The following SLC5A11 variants were observed in gnomAD, a reference collection of about 807,000 sequenced individuals.
SLC5A11 encodes solute carrier family 5 member 11, also known as sodium/myo-inositol cotransporter 2.
SLC5A11 carries 48 observed loss-of-function variants against 69.8 expected under a neutral mutation model. That is an observed-to-expected ratio of 0.69 (90% CI 0.55 to 0.87). The LOEUF is 0.87. SLC5A11 is among the 40% of genes least tolerant of loss of function. The pLI, the probability that SLC5A11 is intolerant of heterozygous loss-of-function variation, is 0.00. For missense variants in SLC5A11, 784 were observed against 866.1 expected, an observed-to-expected ratio of 0.91 and a Z score of 1.19; for synonymous variants, 319 against 342.4, an observed-to-expected ratio of 0.93 and a Z score of 0.75.
chr16:24,892,069 A>AAT (rs1272244411), intron 9 of SLC5A11, among the ~76,000 whole-genome samples: 5 of 149,214 alleles, frequency 3.4e-5, no homozygotes, highest in Admixed American at 3.3e-4. Flanking sequence ...AAAAAAAAAA[A>AAT]AGTAAAAATT....
At chr16:24,846,931 C>T (rs116674355) in intron 1 of SLC5A11, among the ~76,000 whole-genome samples, 2 of 152,306 alleles carry the variant, frequency 1.3e-5, no homozygotes, top group Non-Finnish European at 2.9e-5. Context: ...GAGAACTTTA[C>T]GCCTGGATCT....
At chr16:24,889,543 ATTTTTTTTTTTTTTTTT>A (rs71156454) in intron 8 of SLC5A11, among the ~76,000 whole-genome samples, 4 of 74,346 alleles carry the variant, frequency 5.4e-5, no homozygotes, top group South Asian at 1.3e-3. Context: ...AGGTCTTACA[ATTTTTTTTTTTTTTTTT>A]TTTTTTTTTT....
exon 1 of SLC5A11, chr16:24,846,259 G>A (rs58606571): frequency 0.039 from 5,936 of 152,436 alleles, 401 homozygotes; most frequent in African/African-American, 0.13. Context: ...AGTTTGACCC[G>A]CTTGGAGGCT....
intron 5 of SLC5A11, among the ~76,000 whole-genome samples, chr16:24,873,253 GGA>G (rs2047440485): frequency 2.9e-4 from 34 of 116,726 alleles, no homozygotes; most frequent in Non-Finnish European, 3.5e-4. Flanking sequence ...GAGGGAGGAA[GGA>G]AGGAAGGAAG....
chr16:24,865,298 C>T (rs1189787205), intron 3 of SLC5A11, among the ~76,000 whole-genome samples: 1 of 152,198 alleles, frequency 6.6e-6, no homozygotes, highest in Non-Finnish European at 1.5e-5. Flanking sequence ...CGGTGGCTCA[C>T]ACCTGTAATC....
At chr16:24,891,192 C>G (rs1042017535) in intron 9 of SLC5A11, 118 bp downstream of exon 10, 2 of 894,586 alleles carry the variant, frequency 2.2e-6, no homozygotes, top group Non-Finnish European at 3.5e-6. Context: ...TCCCTGCTTC[C>G]TTGACTACTT....
At chr16:24,858,104 G>A (rs963442048) in intron 1 of SLC5A11, among the ~76,000 whole-genome samples, 3 of 152,198 alleles carry the variant, frequency 2.0e-5, no homozygotes, top group Non-Finnish European at 4.4e-5. Context: ...TTGCAGGTTA[G>A]TAAACACTTA....
intron 6 of SLC5A11, 117 bp from the exon 8 acceptor site, chr16:24,877,141 T>C: frequency 6.5e-7 from 1 of 1,530,858 alleles, no homozygotes; most frequent in South Asian, 1.3e-5. Flanking sequence ...GACGTATGAC[T>C]CTTCTGTGTT....
intron 8 of SLC5A11, among the ~76,000 whole-genome samples, chr16:24,884,511 TTG>T (rs1329914093): frequency 4.9e-5 from 4 of 81,860 alleles, no homozygotes; most frequent in South Asian, 5.5e-4. Context: ...CTTTTTTATT[TTG>T]TTTTTTTTTT....
At chr16:24,851,055 C>T (rs2059282500) in intron 1 of SLC5A11, among the ~76,000 whole-genome samples, 1 of 151,692 alleles carries the variant, frequency 6.6e-6, no homozygotes. Context: ...AAGCAATCCA[C>T]CTGCCTCAGC....
intron 9 of SLC5A11, among the ~76,000 whole-genome samples, chr16:24,895,122 C>T (rs997574505): frequency 1.3e-5 from 2 of 150,694 alleles, no homozygotes; most frequent in African/African-American, 4.9e-5. Flanking sequence ...GAGATCCTGC[C>T]TCAGAAAAAA....
chr16:24,900,920 A>G (rs76570631), intron 10 of SLC5A11, among the ~76,000 whole-genome samples: 1 of 92,298 alleles, frequency 1.1e-5, no homozygotes, highest in Non-Finnish European at 2.1e-5. Flanking sequence ...CCTATCTCTA[A>G]AAAAAAAAAA....
intron 12 of SLC5A11, 75 bp from the exon 14 acceptor site, chr16:24,907,887 TA>T: frequency 4.4e-6 from 7 of 1,579,250 alleles, no homozygotes; most frequent in Non-Finnish European, 6.0e-6. Context: ...CCCTGTCTAT[TA>T]AAAGAGACAG....
chr16:24,893,857 C>T (rs1187884661), intron 9 of SLC5A11, among the ~76,000 whole-genome samples: 2 of 152,240 alleles, frequency 1.3e-5, no homozygotes, highest in Admixed American at 1.3e-4. Context: ...CAGGCGTGAG[C>T]CACTGCACCC....
chr16:24,858,876 C>A, intron 2 of SLC5A11, 98 bp downstream of exon 3: 1 of 1,411,616 alleles, frequency 7.1e-7, no homozygotes, highest in Non-Finnish European at 9.4e-7. Flanking sequence ...AAGATACTGA[C>A]TGTGAGAGGA....
At chr16:24,893,628 T>A (rs117807306) in intron 9 of SLC5A11, among the ~76,000 whole-genome samples, 13,507 of 152,146 alleles carry the variant, frequency 0.089, 858 homozygotes, top group Non-Finnish European at 0.13. Flanking sequence ...TGGAGTAAAG[T>A]AGTGCAATCT....
At chr16:24,868,648 C>T (rs1023534062) in intron 3 of SLC5A11, among the ~76,000 whole-genome samples, 7 of 149,376 alleles carry the variant, frequency 4.7e-5, no homozygotes, top group Non-Finnish European at 8.9e-5. Context: ...CTTACTACAA[C>T]GCTACAGTAA....
intron 4 of SLC5A11, among the ~76,000 whole-genome samples, 185 bp downstream of exon 5, chr16:24,870,190 C>T (rs1012081834): frequency 3.3e-5 from 5 of 150,298 alleles, no homozygotes; most frequent in South Asian, 4.2e-4. Flanking sequence ...GTCAGGAGTT[C>T]GAGACCAGCC....
intron 5 of SLC5A11, among the ~76,000 whole-genome samples, chr16:24,872,656 A>G (rs983456650): frequency 1.3e-5 from 2 of 151,624 alleles, no homozygotes; most frequent in Admixed American, 6.6e-5. Context: ...AGGACCACAG[A>G]TGCAAGCCAC....
Sources: allele counts gnomAD v4.1 joint callset (sites outside exome capture counted in the v4.1 genomes callset), GRCh38; gene constraint gnomAD v4.1.1; transcripts MANE v1.5; gene names NCBI Gene and HGNC (gene_info 2026-07-23, HGNC 2026-07-21).